ZYX: variants seen among roughly 807,000 people sequenced by gnomAD.
The protein encoded by ZYX is zyxin-2.
Under a neutral mutation model 58.1 loss-of-function variants are expected in ZYX, and 37 were observed. The observed-to-expected ratio is 0.64, with a 90% CI of 0.49 to 0.84. The LOEUF is 0.84. ZYX is among the 40% of genes least tolerant of loss of function. The probability of loss-of-function intolerance (pLI) is 0.00; values close to 1 mark genes in which losing one functional copy is unlikely to be tolerated. For missense variants in ZYX, 762 were observed against 761.6 expected, an observed-to-expected ratio of 1.00 and a Z score of -0.01; for synonymous variants, 324 against 321.1, an observed-to-expected ratio of 1.01 and a Z score of -0.10.
At position 143,387,920 on chromosome 7, in the gene ZYX, C is replaced by T. The variant is rs1260472078; in HGVS notation, c.1024-299C>T. ...CTTCAGTGACCCGAGCTGCTGTGTG[C>T]GTGGCCTCCGTCCGCCCAGTCATTC... On this transcript the variant is annotated intron_variant, in intron 5 of 9. Transcript: ENST00000322764. The surrounding 1 kb of genome is among the most constrained non-coding windows in gnomAD (Gnocchi z 5.8). The T allele has an allele frequency of 3.8e-5, 20 of 520,984 alleles. No individual in the cohort carries two copies. Among genetic ancestry groups the T allele is most frequent in the East Asian group, 2.4e-4 (5 of 20,790 alleles). 32.3% of individuals were successfully genotyped at this position (520,984 alleles called of 1,614,324 possible). A position where few individuals can be genotyped will look rare whatever the true frequency, so the allele number is the denominator to read the frequency against.
At position 143,390,407 on chromosome 7, in the gene ZYX, C is replaced by G. The variant is rs1586573664; in HGVS notation, c.1615-171C>G. 2.8e-5 allele frequency: 17 copies of G among 616,942 alleles called. No homozygotes were observed. In the East Asian group the frequency reaches 4.7e-4, roughly 17 times the overall value. 38.2% of individuals were successfully genotyped at this position (616,942 alleles called of 1,614,324 possible). On this transcript the variant is annotated intron_variant, in intron 9 of 9. Transcript: ENST00000322764. The surrounding 1 kb of genome is among the most constrained non-coding windows in gnomAD (Gnocchi z 4.3). ...CTTGCAGGAAGGTCCTAGTGGGTGACTGGAAGTAGGATAGGGATGGGGAGT... is the reference window on the plus strand; with the variant it reads ...CTTGCAGGAAGGTCCTAGTGGGTGAGTGGAAGTAGGATAGGGATGGGGAGT...
At position 143,389,782 on chromosome 7, in the gene ZYX, C is replaced by T; in HGVS notation, c.1494-75C>T. 1 of 1,580,180 alleles carries T rather than the reference C, an allele frequency of 6.3e-7. No homozygotes were observed. Among genetic ancestry groups the T allele is most frequent in the Non-Finnish European group, 8.6e-7 (1 of 1,164,872 alleles). ...CAGAGAAGTCTGCTTCCTTGCTGCCCAACCTGGCTTATGCGTGCGCACACC... is the reference window on the plus strand; with the variant it reads ...CAGAGAAGTCTGCTTCCTTGCTGCCTAACCTGGCTTATGCGTGCGCACACC... On this transcript the variant is annotated intron_variant, in intron 8 of 9. Coordinates refer to ENST00000322764, the MANE Select transcript of ZYX (RefSeq NM_003461.5). This position sits in a 1 kb window ranked among gnomAD's most constrained non-coding sequence, Gnocchi z 5.6.
rs778104440 is a variant in ZYX at position 143,382,946 on chromosome 7, C to T, written c.647C>T (p.Ala216Val). The change falls in exon 5 of 10, where the codon GCT becomes GTT. Residue 216 changes from alanine (A) to valine (V), a missense_variant. Physicochemically the swap from Ala to Val is moderately conservative, Grantham distance 64. Coordinates refer to ENST00000322764, the MANE Select transcript of ZYX (RefSeq NM_003461.5). ...CCTCTGCCCCAGGTTCCGGCTCCGG[C>T]TCAGAGCCAGACACAGTTCCATGTT... ...SQPLPQVPAP[A>V]QSQTQFHVQP... is the part of the protein sequence containing the mutation. 13 of 1,613,696 alleles carry T rather than the reference C, an allele frequency of 8.1e-6. No homozygotes were observed. In the South Asian group the frequency reaches 9.9e-5, roughly 12 times the overall value.
At chr7:143,382,060 C>T in intron 2 of ZYX, 188 bp from the exon 3 acceptor site, 1 of 616,536 alleles carries the variant, frequency 1.6e-6, no homozygotes, top group Non-Finnish European at 2.8e-6. Flanking sequence ...CTGCACCACT[C>T]CTCGGCAGTG....
rs993193020 is a variant in ZYX at position 143,388,137 on chromosome 7, G to A, written c.1024-82G>A. 1.2e-5 allele frequency: 18 copies of A among 1,495,722 alleles called. No homozygotes were observed. In the East Asian group the frequency reaches 2.5e-4, roughly 20 times the overall value. The allele number at this position is 1,495,722 out of a possible 1,614,324, so 92.7% of individuals were successfully genotyped here. A position where few individuals can be genotyped will look rare whatever the true frequency, so the allele number is the denominator to read the frequency against. ...CACGAGCTGGGAGCTAAGCCTCATC[G>A]GAAGAAGCCGGGTAGGCTGGCCTGG... On this transcript the variant is annotated intron_variant, in intron 5 of 9. Coordinates refer to ENST00000322764, the MANE Select transcript of ZYX (RefSeq NM_003461.5). The surrounding 1 kb of genome is among the most constrained non-coding windows in gnomAD (Gnocchi z 7.5).
rs1275600330 is a variant in ZYX at position 143,384,301 on chromosome 7, G to C, written c.1023+979G>C. 5.1e-5 allele frequency: 24 copies of C among 470,384 alleles called. No individual in the cohort carries two copies. Among genetic ancestry groups the C allele is most frequent in the East Asian group, 3.5e-4 (5 of 14,386 alleles). The allele number at this position is 470,384 out of a possible 1,614,324, so 29.1% of individuals were successfully genotyped here. ...AACTCGGGGAGTCAAATTAGGAAAG[G>C]CTTCGAAGGATGGGCAGGACGTAAG... On this transcript the variant is annotated intron_variant, in intron 5 of 9. Transcript: ENST00000322764. The surrounding 1 kb of genome is among the most constrained non-coding windows in gnomAD (Gnocchi z 4.9).
In ZYX at chr7:143,390,252, G is replaced by A. The variant is rs1805023424; in HGVS notation, c.1614+275G>A. 1.8e-6 allele frequency: 1 copy of A among 546,214 alleles called. No homozygotes were observed. The highest frequency in any genetic ancestry group is 2.1e-5 in the South Asian group (1 of 48,038). 33.8% of individuals were successfully genotyped at this position (546,214 alleles called of 1,614,324 possible). ...AAGAAGGGCATGGTGTTTTACCGTG[G>A]TAGGGGATGGGGAAACAGGAGCTGA... On this transcript the variant is annotated intron_variant, in intron 9 of 9. Transcript: ENST00000322764. This position sits in a 1 kb window ranked among gnomAD's most constrained non-coding sequence, Gnocchi z 4.3.
Position 143,382,866 on chromosome 7 carries a change from T to A in ZYX, c.567T>A (p.Pro189=). ...TCAGTTCCAAGTCCAGTACCAAGCC[T>A]GCAGCCGGGGGCACAGCACCCCTGC... ...TPFSSKSSTK[P]AAGGTAPLPP... The change falls in exon 5 of 10, where the codon CCT becomes CCA. Residue 189 remains proline, a synonymous_variant. Coordinates refer to ENST00000322764, the MANE Select transcript of ZYX (RefSeq NM_003461.5). 6.2e-7 allele frequency: 1 copy of A among 1,612,558 alleles called. No homozygotes were observed. The highest frequency in any genetic ancestry group is 8.5e-7 in the Non-Finnish European group (1 of 1,179,252).
At chr7:143,383,773 T>C (rs1804755883) in intron 5 of ZYX, among the ~76,000 whole-genome samples, 1 of 152,178 alleles carries the variant, frequency 6.6e-6, no homozygotes, top group African/African-American at 2.4e-5. Context: ...TGAGCCAGCA[T>C]CCACCACGTG....
chr7:143,382,524 C>T (rs368336125), intron 3 of ZYX, 69 bp from the exon 4 acceptor site: 3 of 1,598,430 alleles, frequency 1.9e-6, no homozygotes, highest in East Asian at 2.2e-5. Flanking sequence ...TCTTACCTCC[C>T]CTGCACCTCT....
chr7:143,381,451 G>A (rs1283255005), intron 1 of ZYX, 42 bp downstream of exon 1: 29 of 1,296,432 alleles, frequency 2.2e-5, no homozygotes, highest in Non-Finnish European at 2.6e-5. Flanking sequence ...CGGGGAGGGG[G>A]CGCGGGGCGC....
In ZYX at chr7:143,385,660, C is replaced by CTTTTTTTTTTTTTTTTTTTTTT. The variant is rs59995035; in HGVS notation, c.1023+2343_1023+2364dup. ...TGTGTGAGCGTGTGGTGTGGTATAT[C>CTTTTTTTTTTTTTTTTTTTTTT]TTTTTTTTTTTTTTTTTTTTTTTTT... On this transcript the variant is annotated intron_variant, in intron 5 of 9. Transcript: ENST00000322764. 1.5e-4 allele frequency among the ~76,000 whole-genome samples: 10 copies of CTTTTTTTTTTTTTTTTTTTTTT among 68,964 alleles called. 2 individuals carry two copies. Among genetic ancestry groups the CTTTTTTTTTTTTTTTTTTTTTT allele is most frequent in the African/African-American group, 2.9e-4 (5 of 17,394 alleles). The allele number at this position is 68,964 out of a possible 152,430, so 45.2% of individuals were successfully genotyped here.
intron 2 of ZYX, 187 bp from the exon 3 acceptor site, chr7:143,382,061 C>A (rs1221843474): frequency 4.9e-6 from 3 of 616,942 alleles, no homozygotes; most frequent in Non-Finnish European, 8.3e-6. Context: ...TGCACCACTC[C>A]TCGGCAGTGC....
At position 143,381,631 on chromosome 7, in the gene ZYX, C is replaced by G. The variant is rs762988726; in HGVS notation, c.60C>G (p.Tyr20Ter). The G allele has an allele frequency of 6.2e-7, 1 of 1,612,348 alleles. No homozygotes were observed. Among genetic ancestry groups the G allele is most frequent in the Admixed American group, 1.7e-5 (1 of 59,986 alleles). ...TTTCGGTCTCGGCTCCGGCTTTTTA[C>G]GCCCCGCAGAAGAAGTTCGGCCCTG... ...ISVSVSAPAFYAPQKKFGPVV... is the reference protein window; with the variant it reads ...ISVSVSAPAF Residue 20 changes from tyrosine to a stop codon, truncating the protein, a stop_gained, in exon 2 of 10, where the codon TAC becomes TAG. Coordinates refer to ENST00000322764, the MANE Select transcript of ZYX (RefSeq NM_003461.5). LOFTEE classifies it high-confidence loss of function.
chr7:143,389,581 A>G lies in ZYX; in HGVS notation c.1494-276A>G, dbSNP rs1804996126. ...AGGGCTGGCTTTCTGCAGGAGCTGC[A>G]GTGTGAATGGGACAGTAAGGGTCGA... On this transcript the variant is annotated intron_variant, in intron 8 of 9. Coordinates refer to ENST00000322764, the MANE Select transcript of ZYX (RefSeq NM_003461.5). This position sits in a 1 kb window ranked among gnomAD's most constrained non-coding sequence, Gnocchi z 5.6. 6.6e-6 allele frequency among the ~76,000 whole-genome samples: 1 copy of G among 152,162 alleles called. No homozygotes were observed. The highest frequency in any genetic ancestry group is 2.1e-4 in the South Asian group (1 of 4,836).
intron 5 of ZYX, 28 bp downstream of exon 5, chr7:143,383,350 G>C (rs376898311): frequency 5.1e-6 from 8 of 1,566,948 alleles, no homozygotes; most frequent in Non-Finnish European, 6.9e-6. Context: ...GACAAGGCTT[G>C]GTACCAGGGC....
chr7:143,383,216 C>G lies in ZYX; in HGVS notation c.917C>G (p.Thr306Arg). 2 of 1,614,204 alleles carry G rather than the reference C, an allele frequency of 1.2e-6. No homozygotes were observed. The highest frequency in any genetic ancestry group is 1.7e-6 in the Non-Finnish European group (2 of 1,180,034). Residue 306 changes from threonine to arginine, a missense_variant, in exon 5 of 10, where the codon ACA (threonine) becomes AGA (arginine). Transcript: ENST00000322764. ...CACCCCGAAGCTCTTTCTGCTGGCA[C>G]AGGCTCCCCTCAACCTCCCAGCTTC... ...LGHPEALSAG[T>R]GSPQPPSFTY...
chr7:143,382,368 A>C lies in ZYX; in HGVS notation c.329A>C (p.Glu110Ala), dbSNP rs769358547. The change falls in exon 3 of 10, where the codon GAG (glutamate) becomes GCG (alanine). Residue 110 changes from glutamate (E) to alanine (A), a missense_variant. Glu to Ala is a moderately radical substitution (Grantham distance 107). Transcript: ENST00000322764. ...GAATCATTTCCCCCTGCGCCTCTGG[A>C]GGAGGAGATCTTCCCTTCCCCGCCG... Reference protein sequence around the residue: ...IEESFPPAPLEEEIFPSPPPP... With the variant: ...IEESFPPAPLAEEIFPSPPPP... 1 of 1,590,122 alleles carries C rather than the reference A, an allele frequency of 6.3e-7. No homozygotes were observed. Among genetic ancestry groups the C allele is most frequent in the Admixed American group, 1.8e-5 (1 of 55,984 alleles).
chr7:143,381,860 G>A (rs1033015351), intron 2 of ZYX, 81 bp downstream of exon 2: 1 of 1,357,702 alleles, frequency 7.4e-7, no homozygotes, highest in Non-Finnish European at 9.8e-7. Flanking sequence ...GGGATGTCTG[G>A]AAAGGTTGTT....
Sources: allele counts gnomAD v4.1 joint callset (sites outside exome capture counted in the v4.1 genomes callset), GRCh38; gene constraint gnomAD v4.1.1; non-coding constraint Gnocchi (gnomAD v3.1); transcripts MANE v1.5; gene names NCBI Gene and HGNC (gene_info 2026-07-23, HGNC 2026-07-21).